ARID4A: variants seen among roughly 807,000 people sequenced by gnomAD.
The protein encoded by ARID4A is AT-rich interactive domain-containing protein 4A.
Under a neutral mutation model 148.6 loss-of-function variants are expected in ARID4A, and 39 were observed. The observed-to-expected ratio is 0.26, with a 90% CI of 0.20 to 0.34. ARID4A has a LOEUF of 0.34. Ranked by LOEUF, ARID4A falls within the 10% of genes least tolerant of loss-of-function variation. The probability of loss-of-function intolerance (pLI) is 1.00; values close to 1 mark genes in which losing one functional copy is unlikely to be tolerated. For missense variants in ARID4A, 1,265 were observed against 1,449.1 expected (o/e 0.87, Z 2.06); for synonymous variants, 475 against 481.2 (o/e 0.99, Z 0.17).
intron 11 of ARID4A, chr14:58,331,654 T>G (rs1473957696): frequency 6.6e-6 from 1 of 152,078 alleles, no homozygotes; most frequent in Non-Finnish European, 1.5e-5. Context: ...AAAAAGACAG[T>G]AGGAGTCTAT....
intron 8 of ARID4A, among the ~76,000 whole-genome samples, chr14:58,324,880 C>A (rs975991431): frequency 6.6e-6 from 1 of 151,920 alleles, no homozygotes; most frequent in Admixed American, 6.6e-5. Context: ...TAAACAAATA[C>A]GAGGCTTTAA....
At chr14:58,349,490 C>CAA (rs111454525) in intron 15 of ARID4A, among the ~76,000 whole-genome samples, 7 of 139,744 alleles carry the variant, frequency 5.0e-5, no homozygotes, top group African/African-American at 1.3e-4. Context: ...ACTAAAAATA[C>CAA]AAAAAAAAAA....
Position 58,315,936 on chromosome 14 carries a change from A to C in ARID4A, c.275-2606A>C, listed in dbSNP as rs563596916. 1.3e-3 allele frequency among the ~76,000 whole-genome samples: 191 copies of C among 152,282 alleles called. 4 individuals are homozygous for C. Among genetic ancestry groups the C allele is most frequent in the Admixed American group, 5.2e-4 (8 of 15,280 alleles). On this transcript the variant is annotated intron_variant, in intron 5 of 23. Coordinates refer to ENST00000355431, the MANE Select transcript of ARID4A (RefSeq NM_002892.4). ...GCTTCGGGAGTTTTTAATTTTTTCC[A>C]CATTGTCTCCTGCATGTAAAAGAAT...
At position 58,364,147 on chromosome 14, in the gene ARID4A, TATA is replaced by T. The variant is rs768716629; in HGVS notation, c.2081-16_2081-14del. The T allele has an allele frequency of 1.3e-5, 16 of 1,199,812 alleles. No individual in the cohort carries two copies. The highest frequency in any genetic ancestry group is 1.0e-5 in the Non-Finnish European group (9 of 903,644). 74.3% of individuals were successfully genotyped at this position (1,199,812 alleles called of 1,614,324 possible). On this transcript the variant is annotated intron_variant, in intron 19 of 23. Coordinates refer to ENST00000355431, the MANE Select transcript of ARID4A (RefSeq NM_002892.4). Reference sequence around the variant, plus strand: ...ATTGGTAATATAAAAACCTGTATAATATAATAATATTTCCTCTTACAGACTCTT... The same window carrying T: ...ATTGGTAATATAAAAACCTGTATAATATAATATTTCCTCTTACAGACTCTT...
At chr14:58,303,584 A>G (rs1297635903) in intron 3 of ARID4A, 1 of 470,706 alleles carries the variant, frequency 2.1e-6, no homozygotes, top group Non-Finnish European at 4.4e-6. Context: ...TTCTATGCCC[A>G]ACACATAGAG....
At chr14:58,348,827 T>G (rs2034496790) in intron 15 of ARID4A, among the ~76,000 whole-genome samples, 1 of 152,114 alleles carries the variant, frequency 6.6e-6, no homozygotes, top group Non-Finnish European at 1.5e-5. Flanking sequence ...AAATTGTTTT[T>G]TTTTAATTTT....
chr14:58,370,850 A>G (rs953028761), intron 23 of ARID4A, among the ~76,000 whole-genome samples: 12 of 152,206 alleles, frequency 7.9e-5, no homozygotes, highest in South Asian at 6.2e-4. Flanking sequence ...TTCTAAAGCA[A>G]TCCTTTTGCT....
In ARID4A at chr14:58,364,712, A is replaced by T. The variant is rs774099826; in HGVS notation, c.2623A>T (p.Met875Leu). 6.2e-7 allele frequency: 1 copy of T among 1,613,974 alleles called. No individual in the cohort carries two copies. ...GAAAAAAATAAGAATTGAGAATGGA[A>T]TGGAAATGACAAATACTGTATCTCA... The part of the protein sequence containing the change: ...PEKKIRIENG[M>L]EMTNTVSQER... Residue 875 changes from methionine to leucine, a missense_variant, in exon 20 of 24, where the codon ATG (methionine) becomes TTG (leucine). Around this residue, in one of 9 missense-constraint regions of ARID4A, gnomAD observed 666 missense variants for 730.9 expected, o/e 0.91. Transcript: ENST00000355431.
At position 58,373,205 on chromosome 14, in the gene ARID4A, A is replaced by G. The variant is rs1450534086; in HGVS notation, c.*1216A>G. On this transcript the variant is annotated 3_prime_UTR_variant, in exon 24 of 24. Transcript: ENST00000355431. ...GTTTGCTATACTGCCGAATGAATTT[A>G]TATCTCCCAAAGTTGAGATGCAACA... The G allele has an allele frequency of 5.0e-6, 1 of 200,004 alleles. No individual in the cohort carries two copies. Among genetic ancestry groups the G allele is most frequent in the African/African-American group, 2.3e-5 (1 of 43,434 alleles). 12.4% of individuals were successfully genotyped at this position (200,004 alleles called of 1,614,324 possible). A position where few individuals can be genotyped will look rare whatever the true frequency, so the allele number is the denominator to read the frequency against.
chr14:58,327,584 C>A (rs2033288072), intron 8 of ARID4A, among the ~76,000 whole-genome samples: 1 of 151,768 alleles, frequency 6.6e-6, no homozygotes, highest in African/African-American at 2.4e-5. Flanking sequence ...GCCAAATTTT[C>A]ATCACAGATT....
rs778766066 is a variant in ARID4A, at chr14:58,364,871, G to C, written c.2782G>C (p.Glu928Gln). 6.2e-7 allele frequency: 1 copy of C among 1,614,116 alleles called. No individual in the cohort carries two copies. Among genetic ancestry groups the C allele is most frequent in the Admixed American group, 1.7e-5 (1 of 60,018 alleles). Residue 928 changes from glutamate (E) to glutamine (Q), a missense_variant, in exon 20 of 24, where the codon GAA (glutamate) becomes CAA (glutamine). Around this residue, in one of 9 missense-constraint regions of ARID4A, gnomAD observed 666 missense variants for 730.9 expected, o/e 0.91. Transcript: ENST00000355431. ...SNQCIQQLTSERFDSPAEETV... is the reference protein window; with the variant it reads ...SNQCIQQLTSQRFDSPAEETV... ...CCAATGCATCCAACAACTGACTAGT[G>C]AAAGATTTGATAGTCCAGCTGAAGA... is the stretch of plus-strand genomic sequence containing the variant.
intron 5 of ARID4A, among the ~76,000 whole-genome samples, chr14:58,311,962 C>G (rs768636124): frequency 6.6e-6 from 1 of 151,930 alleles, no homozygotes; most frequent in Non-Finnish European, 1.5e-5. Context: ...AGGTAAATGT[C>G]GGTTAAATGA....
chr14:58,327,734 T>G (rs962955175), intron 8 of ARID4A, among the ~76,000 whole-genome samples: 2 of 152,072 alleles, frequency 1.3e-5, no homozygotes, highest in Non-Finnish European at 2.9e-5. Context: ...TGCAGTGTTG[T>G]GAATTTGGCT....
At chr14:58,346,535 T>TATTGA (rs1305594713) in intron 13 of ARID4A, 30 bp downstream of exon 13, 1 of 1,470,350 alleles carries the variant, frequency 6.8e-7, no homozygotes, top group Non-Finnish European at 9.5e-7. Context: ...TTGAAACATG[T>TATTGA]ATTGATGTGG....
intron 23 of ARID4A, 98 bp downstream of exon 23, chr14:58,367,127 C>A (rs2035392220): frequency 2.2e-6 from 2 of 928,850 alleles, no homozygotes; most frequent in Non-Finnish European, 1.5e-6. Flanking sequence ...AGTACACATT[C>A]ATTAATTGCT....
At chr14:58,322,240 G>C (rs1594894129) in intron 7 of ARID4A, among the ~76,000 whole-genome samples, 1 of 152,026 alleles carries the variant, frequency 6.6e-6, no homozygotes, top group East Asian at 1.9e-4. Context: ...AAAGTGCTCA[G>C]ATTACAGGTG....
chr14:58,323,340 A>C (rs2033018508), intron 7 of ARID4A, 145 bp from the exon 8 acceptor site: 2 of 925,622 alleles, frequency 2.2e-6, no homozygotes, highest in Non-Finnish European at 3.2e-6. Context: ...GGAAGGACCC[A>C]TGTCTTCAGT....
intron 11 of ARID4A, among the ~76,000 whole-genome samples, chr14:58,332,267 T>G (rs1475917783): frequency 1.3e-5 from 2 of 152,168 alleles, no homozygotes; most frequent in Non-Finnish European, 2.9e-5. Context: ...GATAGTATCT[T>G]AAAATGTGTC....
chr14:58,356,463 A>C (rs2034870217), intron 17 of ARID4A, among the ~76,000 whole-genome samples: 1 of 152,178 alleles, frequency 6.6e-6, no homozygotes, highest in Non-Finnish European at 1.5e-5. Flanking sequence ...GTAAATGTTC[A>C]AATGAATAAA....
Sources: gnomAD v4.1 joint callset for allele counts (sites outside exome capture counted in the v4.1 genomes callset) on GRCh38, gnomAD v4.1.1 for gene constraint, gnomAD v4.1.1 regional missense constraint, MANE v1.5 for transcripts, NCBI Gene and HGNC (gene_info 2026-07-23, HGNC 2026-07-21) for gene names.